MTOR: variants seen among roughly 807,000 people sequenced by gnomAD.
MTOR encodes mechanistic target of rapamycin kinase, also known as serine/threonine-protein kinase mTOR.
MTOR carries 70 observed loss-of-function variants against 319.8 expected under a neutral mutation model. The ratio of observed to expected loss-of-function variants is 0.22; its 90% CI spans 0.18 to 0.27. MTOR has a LOEUF of 0.27. MTOR is among the 10% of genes least tolerant of loss of function. MTOR has a pLI of 1.00. For missense variants in MTOR, 1,890 were observed against 3,274.4 expected, an observed-to-expected ratio of 0.58 and a Z score of 10.32; for synonymous variants, 1,183 against 1,211.4, an observed-to-expected ratio of 0.98 and a Z score of 0.49.
In MTOR at chr1:11,127,387, G is replaced by C. The variant is rs111294194; in HGVS notation, c.6216+237C>G. 2.3e-3 allele frequency among the ~76,000 whole-genome samples: 353 copies of C among 152,192 alleles called. 2 individuals carry two copies. The highest frequency in any genetic ancestry group is 7.2e-3 in the African/African-American group (297 of 41,524). ...ACGAGATGACCTCTTGAGAAATCTT[G>C]GGCTTTTCCAGTTAAAATTCAGAAG... On this transcript the variant is annotated intron_variant, in intron 44 of 57. Transcript: ENST00000361445. This position sits in a 1 kb window ranked among gnomAD's most constrained non-coding sequence, Gnocchi z 5.5.
intron 36 of MTOR, among the ~76,000 whole-genome samples, chr1:11,135,784 G>C (rs1023631917): frequency 6.6e-6 from 1 of 151,058 alleles, no homozygotes; most frequent in African/African-American, 2.4e-5. Flanking sequence ...AGTGGGCCAA[G>C]ATCGTGCCAC....
chr1:11,251,399 T>C lies in MTOR; in HGVS notation c.840+2440A>G, dbSNP rs11809566. On this transcript the variant is annotated intron_variant, in intron 6 of 57. Coordinates refer to ENST00000361445, the MANE Select transcript of MTOR (RefSeq NM_004958.4). The stretch of plus-strand genomic sequence containing the variant: ...GCACCGTGTTTTAAAATGTAATCCT[T>C]AATCCAGGTGAGCATACTCTATTCC... 9.0e-3 allele frequency among the ~76,000 whole-genome samples: 1,377 copies of C among 152,320 alleles called. 20 individuals carry two copies. The highest frequency in any genetic ancestry group is 0.031 in the African/African-American group (1,308 of 41,570).
intron 28 of MTOR, among the ~76,000 whole-genome samples, chr1:11,183,689 G>A (rs769802987): frequency 7.9e-5 from 12 of 151,964 alleles, no homozygotes; most frequent in South Asian, 2.1e-4. Context: ...AATCTCCTAC[G>A]TTATCCTCTA....
intron 26 of MTOR, among the ~76,000 whole-genome samples, chr1:11,200,117 G>A (rs1358818765): frequency 6.6e-6 from 1 of 152,094 alleles, no homozygotes; most frequent in Non-Finnish European, 1.5e-5. Flanking sequence ...TGGAGGAAAT[G>A]GGAAATGAAC....
Position 11,127,701 on chromosome 1 carries a change from T to C in MTOR, c.6139A>G (p.Met2047Val), listed in dbSNP as rs2100407825. The change falls in exon 44 of 58, where the codon ATG (methionine) becomes GTG (valine). Residue 2047 changes from methionine (M) to valine (V), a missense_variant. Met to Val is a conservative substitution (Grantham distance 21). Coordinates refer to ENST00000361445, the MANE Select transcript of MTOR (RefSeq NM_004958.4). The surrounding 1 kb of genome is among the most constrained non-coding windows in gnomAD (Gnocchi z 5.5). ...LYFGERNVKG[M>V]FEVLEPLHAM... ...TGCAAGGGCTCCAGCACCTCAAACA[T>C]GCCTTTCACGTTCCTTTCCCCAAAG... 6.2e-7 allele frequency: 1 copy of C among 1,614,100 alleles called. No homozygotes were observed. Among genetic ancestry groups the C allele is most frequent in the Non-Finnish European group, 8.5e-7 (1 of 1,180,020 alleles).
Position 11,114,346 on chromosome 1 carries a change from G to A in MTOR, c.7272C>T (p.Asp2424=), listed in dbSNP as rs549287479. 2.3e-4 allele frequency: 367 copies of A among 1,614,108 alleles called. 4 individuals are homozygous for A. The South Asian group carries it at 3.8e-3, about 17-fold the overall frequency. ...VMAVLEAFVY[D]PLLNWRLMDT... ...CCATCAGCCTCCAGTTCAGCAAGGGGTCATAGACAAAGGCTTCCAGCACGG... is the reference window on the plus strand; with the variant it reads ...CCATCAGCCTCCAGTTCAGCAAGGGATCATAGACAAAGGCTTCCAGCACGG... The change falls in exon 53 of 58, where the codon GAC becomes GAT. Residue 2424 remains aspartate (D), a synonymous_variant. Transcript: ENST00000361445.
intron 49 of MTOR, among the ~76,000 whole-genome samples, chr1:11,117,731 G>A (rs1294033762): frequency 3.3e-5 from 5 of 152,074 alleles, no homozygotes; most frequent in African/African-American, 9.7e-5. Flanking sequence ...GAAACAGGCC[G>A]AAAGAGCAAT....
Position 11,127,049 on chromosome 1 carries a change from A to G in MTOR, c.6312T>C (p.Tyr2104=), listed in dbSNP as rs995416990. 6.2e-7 allele frequency: 1 copy of G among 1,614,196 alleles called. No homozygotes were observed. The change falls in exon 45 of 58, where the codon TAT becomes TAC. Residue 2104 remains tyrosine, a synonymous_variant. Transcript: ENST00000361445. The surrounding 1 kb of genome is among the most constrained non-coding windows in gnomAD (Gnocchi z 5.5). ...VKDLTQAWDL[Y]YHVFRRISKQ... ...TTGAGATTCGTCGGAACACATGATAATAGAGGTCCCAGGCTTGGGTGAGGT... is the reference window on the plus strand; with the variant it reads ...TTGAGATTCGTCGGAACACATGATAGTAGAGGTCCCAGGCTTGGGTGAGGT...
intron 49 of MTOR, among the ~76,000 whole-genome samples, chr1:11,119,389 AC>A (rs1164820777): frequency 6.7e-6 from 1 of 149,648 alleles, no homozygotes; most frequent in Non-Finnish European, 1.5e-5. Context: ...ACATGGTGAA[AC>A]CCCGTCTCTA....
intron 10 of MTOR, 36 bp downstream of exon 10, chr1:11,241,517 G>T (rs1393507294): frequency 2.5e-6 from 4 of 1,586,936 alleles, no homozygotes; most frequent in Non-Finnish European, 3.4e-6. Flanking sequence ...CAAGCCTCAC[G>T]CTGATACAGG....
intron 19 of MTOR, among the ~76,000 whole-genome samples, chr1:11,227,701 C>T (rs1428665717): frequency 6.6e-6 from 1 of 152,110 alleles, no homozygotes; most frequent in East Asian, 1.9e-4. Context: ...TTCCTCTTCA[C>T]AGAAAAATGC....
At position 11,121,991 on chromosome 1, in the gene MTOR, G is replaced by A. The variant is rs2100361729; in HGVS notation, c.6798C>T (p.Arg2266=). 1.2e-6 allele frequency: 2 copies of A among 1,614,108 alleles called. No individual in the cohort carries two copies. Among genetic ancestry groups the A allele is most frequent in the Non-Finnish European group, 8.5e-7 (1 of 1,179,982 alleles). The change falls in exon 48 of 58, where the codon CGC becomes CGT. Residue 2266 remains arginine (R), a synonymous_variant. Transcript: ENST00000361445. This position sits in a 1 kb window ranked among gnomAD's most constrained non-coding sequence, Gnocchi z 4.9. ...CCGCATCACATACCCGCAACATGAT[G>A]CGATGCTCGATGTTGAGAAGGATCT... ...KKKILLNIEH[R]IMLRMAPDYD... is the part of the protein sequence containing the mutation.
chr1:11,194,401 TAG>T, intron 28 of MTOR: 1 of 1,527,686 alleles, frequency 6.5e-7, no homozygotes, highest in Non-Finnish European at 9.1e-7. Flanking sequence ...AGAAGGGGTA[TAG>T]AGACAGCATG....
chr1:11,114,557 G>T, intron 52 of MTOR, 104 bp from the exon 53 acceptor site: 1 of 1,489,970 alleles, frequency 6.7e-7, no homozygotes, highest in Non-Finnish European at 9.2e-7. Context: ...CACAGGCCAT[G>T]TTGACGTATC....
At position 11,126,828 on chromosome 1, in the gene MTOR, T is replaced by C; in HGVS notation, c.6352-32A>G. ...ATAATTACCAAAGGATTTAGTGTTC[T>C]GCCTCCAGGGAAGAATTTAAACGCA... On this transcript the variant is annotated intron_variant, in intron 45 of 57. Transcript: ENST00000361445. 1.2e-6 allele frequency: 2 copies of C among 1,605,626 alleles called. 1 individual carries two copies. Among genetic ancestry groups the C allele is most frequent in the South Asian group, 2.2e-5 (2 of 90,156 alleles).
At chr1:11,261,232 G>T (rs544219443) in intron 1 of MTOR, among the ~76,000 whole-genome samples, 1 of 151,238 alleles carries the variant, frequency 6.6e-6, no homozygotes, top group Non-Finnish European at 1.5e-5. Context: ...TTGGGAGGCC[G>T]AGGCGGGCGG....
chr1:11,174,945 T>G (rs1644936176), intron 28 of MTOR, among the ~76,000 whole-genome samples: 1 of 151,976 alleles, frequency 6.6e-6, no homozygotes, highest in Non-Finnish European at 1.5e-5. Context: ...CACAAACAAG[T>G]TTAAAGAAAC....
chr1:11,261,797 G>A (rs1651170028), intron 1 of MTOR, among the ~76,000 whole-genome samples: 1 of 152,134 alleles, frequency 6.6e-6, no homozygotes, highest in African/African-American at 2.4e-5. Context: ...GCGTCCGAAA[G>A]GGGGGAAGGT....
chr1:11,126,499 G>A, intron 46 of MTOR, 123 bp downstream of exon 46: 1 of 1,115,682 alleles, frequency 9.0e-7, no homozygotes, highest in Non-Finnish European at 1.3e-6. Context: ...CAATGAGCAT[G>A]GGAGAGATGT....
Sources: gnomAD v4.1 joint callset for allele counts (sites outside exome capture counted in the v4.1 genomes callset) on GRCh38, gnomAD v4.1.1 for gene constraint, Gnocchi (gnomAD v3.1) non-coding constraint, MANE v1.5 for transcripts, NCBI Gene and HGNC (gene_info 2026-07-23, HGNC 2026-07-21) for gene names.